GRIA3: variants seen among roughly 807,000 people sequenced by gnomAD.
GRIA3 encodes the protein glutamate receptor 3.
In GRIA3, 3 loss-of-function variants were observed where a neutral mutation model predicts 63.0. The observed-to-expected ratio is 0.05, with a 90% CI of 0.02 to 0.12. The LOEUF (loss-of-function observed/expected upper bound fraction) is 0.12, where lower values mean the gene tolerates loss of function less well. GRIA3 is among the 10% of genes least tolerant of loss of function. The pLI is 1.00. For synonymous variants in GRIA3, 274 were observed against 257.9 expected, an observed-to-expected ratio of 1.06 and a Z score of -0.60; for missense variants, 347 against 700.9, an observed-to-expected ratio of 0.50 and a Z score of 5.70.
intron 3 of GRIA3, among the ~76,000 whole-genome samples, chrX:123,284,428 A>T (rs1256745132): frequency 1.8e-5 from 2 of 111,503 alleles, no homozygotes; most frequent in Non-Finnish European, 3.8e-5. Flanking sequence ...TAGGCTTCAG[A>T]GGGTTGGTAA....
At chrX:123,432,897 A>AG (rs1450269327) in intron 12 of GRIA3, among the ~76,000 whole-genome samples, 1 of 111,628 alleles carries the variant, frequency 9.0e-6, no homozygotes, top group African/African-American at 3.3e-5. Flanking sequence ...GAAGAAACAC[A>AG]GGGGGGAAAA....
intron 2 of GRIA3, among the ~76,000 whole-genome samples, chrX:123,216,633 C>T (rs1470680582): frequency 9.0e-6 from 1 of 111,635 alleles, no homozygotes; most frequent in Non-Finnish European, 1.9e-5. Flanking sequence ...ATTTCTTGTA[C>T]CTTCCATTTA....
At chrX:123,436,264 T>A (rs2045643375) in intron 12 of GRIA3, among the ~76,000 whole-genome samples, 1 of 111,931 alleles carries the variant, frequency 8.9e-6, no homozygotes, top group Non-Finnish European at 1.9e-5. Context: ...TAAAATAAGA[T>A]AATCTCTCTG....
intron 4 of GRIA3, among the ~76,000 whole-genome samples, chrX:123,349,969 T>G (rs2045082834): frequency 9.0e-6 from 1 of 111,048 alleles, no homozygotes; most frequent in South Asian, 3.8e-4. Context: ...ACTTCCAACA[T>G]AGCCAAATGT....
intron 2 of GRIA3, among the ~76,000 whole-genome samples, chrX:123,227,755 A>G (rs1309589153): frequency 8.9e-6 from 1 of 112,202 alleles, no homozygotes; most frequent in Non-Finnish European, 1.9e-5. Flanking sequence ...CTTTTCTACT[A>G]TTCTCTTGTC....
intron 14 of GRIA3, among the ~76,000 whole-genome samples, chrX:123,482,297 C>A (rs955982505): frequency 8.9e-6 from 1 of 112,092 alleles, no homozygotes; most frequent in Non-Finnish European, 1.9e-5. Context: ...CATGTCGTAT[C>A]TTAAAGACTA....
chrX:123,276,774 G>A (rs1363374232), intron 3 of GRIA3, among the ~76,000 whole-genome samples: 1 of 111,589 alleles, frequency 9.0e-6, no homozygotes, highest in Non-Finnish European at 1.9e-5. Flanking sequence ...TTTTCCTAAA[G>A]TATGTCATTA....
chrX:123,421,032 G>A (rs995798219), intron 11 of GRIA3, among the ~76,000 whole-genome samples: 1 of 110,503 alleles, frequency 9.0e-6, no homozygotes, highest in African/African-American at 3.3e-5. Flanking sequence ...AATGCACTCC[G>A]ATATTTTCTA....
intron 11 of GRIA3, among the ~76,000 whole-genome samples, chrX:123,419,472 G>GC (rs1433779631): frequency 1.8e-5 from 2 of 109,982 alleles, no homozygotes; most frequent in Non-Finnish European, 3.8e-5. Context: ...CACATATCAT[G>GC]CCATTTGAAT....
At chrX:123,212,041 A>T (rs988074254) in intron 2 of GRIA3, among the ~76,000 whole-genome samples, 2 of 112,139 alleles carry the variant, frequency 1.8e-5, no homozygotes, top group Admixed American at 1.9e-4. Flanking sequence ...TTTAAGAGTT[A>T]GAATAAAATA....
At chrX:123,280,816 A>T (rs2044581856) in intron 3 of GRIA3, among the ~76,000 whole-genome samples, 1 of 112,059 alleles carries the variant, frequency 8.9e-6, no homozygotes, top group Non-Finnish European at 1.9e-5. Flanking sequence ...GGACAACGGA[A>T]GAGGACAATT....
At chrX:123,230,196 A>G (rs937027187) in intron 2 of GRIA3, among the ~76,000 whole-genome samples, 2 of 111,727 alleles carry the variant, frequency 1.8e-5, no homozygotes, top group Admixed American at 1.9e-4. Context: ...GAAGTGGAGG[A>G]GGCCAATGCT....
intron 4 of GRIA3, among the ~76,000 whole-genome samples, chrX:123,349,543 A>C (rs12690118): frequency 8.9e-6 from 1 of 112,758 alleles, no homozygotes; most frequent in East Asian, 2.8e-4. Context: ...GCTTCCCTGT[A>C]GATAGCATAA....
At chrX:123,200,608 TACACACACACACAC>T (rs200626306) in intron 2 of GRIA3, among the ~76,000 whole-genome samples, 17 of 76,392 alleles carry the variant, frequency 2.2e-4, no homozygotes, top group African/African-American at 6.5e-4. Context: ...CACACATACA[TACACACACACACAC>T]ACACACACAC....
At chrX:123,483,107 T>C (rs1466903664) in intron 15 of GRIA3, 61 bp downstream of exon 15, 1 of 980,371 alleles carries the variant, frequency 1.0e-6, no homozygotes, top group Non-Finnish European at 1.4e-6. Flanking sequence ...TCTCTTTTTT[T>C]CTTCTTTTTT....
chrX:123,254,009 T>C (rs964519613), intron 3 of GRIA3, among the ~76,000 whole-genome samples: 5 of 112,158 alleles, frequency 4.5e-5, no homozygotes, highest in African/African-American at 1.6e-4. Flanking sequence ...CTGGTAGCAA[T>C]GTCTCTTGCT....
chrX:123,194,452 T>C (rs189502830), intron 2 of GRIA3, among the ~76,000 whole-genome samples: 1 of 111,351 alleles, frequency 9.0e-6, no homozygotes, highest in East Asian at 2.8e-4. Context: ...CAGGTCTTTG[T>C]GTAGGTGAAC....
At chrX:123,424,099 C>T (rs2045578194) in intron 11 of GRIA3, among the ~76,000 whole-genome samples, 1 of 112,006 alleles carries the variant, frequency 8.9e-6, no homozygotes, top group Non-Finnish European at 1.9e-5. Context: ...ATTACGCTAA[C>T]CTTGAAATCT....
chrX:123,345,393 G>A (rs1188815171), intron 4 of GRIA3, among the ~76,000 whole-genome samples: 2 of 100,714 alleles, frequency 2.0e-5, no homozygotes, highest in African/African-American at 7.4e-5. Flanking sequence ...GCCCAGTTAG[G>A]TTATGACCTG....
Sources: gnomAD v4.1 joint callset for allele counts (sites outside exome capture counted in the v4.1 genomes callset) on GRCh38, gnomAD v4.1.1 for gene constraint, MANE v1.5 for transcripts, NCBI Gene and HGNC (gene_info 2026-07-23, HGNC 2026-07-21) for gene names.